Variants in PTPRT observed in about 807,000 individuals in gnomAD.
PTPRT encodes the protein protein tyrosine phosphatase receptor type T, also known as receptor-type tyrosine-protein phosphatase T.
In PTPRT, 56 loss-of-function variants were observed where a neutral mutation model predicts 176.8. The observed-to-expected ratio is 0.32, with a 90% CI of 0.26 to 0.40. The LOEUF is 0.40. Among genes scored for constraint, PTPRT ranks in the 10% least tolerant of loss-of-function variants. The pLI is 1.00. For missense variants in PTPRT, 1,540 were observed against 1,908.2 expected (o/e 0.81, Z 3.60); for synonymous variants, 783 against 739.0 (o/e 1.06, Z -0.96).
At chr20:42,988,811 G>A (rs1007227054) in intron 1 of PTPRT, among the ~76,000 whole-genome samples, 20 of 152,298 alleles carry the variant, frequency 1.3e-4, no homozygotes, top group African/African-American at 4.6e-4. Flanking sequence ...AGGAATGAGG[G>A]CAACCATTCG....
intron 9 of PTPRT, among the ~76,000 whole-genome samples, chr20:42,392,376 T>C (rs2058808124): frequency 6.6e-6 from 1 of 152,308 alleles, no homozygotes; most frequent in African/African-American, 2.4e-5. Flanking sequence ...AAATAGAGGC[T>C]GACATTTTCC....
chr20:42,984,035 C>G (rs923570896), intron 1 of PTPRT, among the ~76,000 whole-genome samples: 3 of 152,214 alleles, frequency 2.0e-5, no homozygotes, highest in Non-Finnish European at 4.4e-5. Flanking sequence ...ACCATGTTCG[C>G]TCACAATCAC....
intron 6 of PTPRT, among the ~76,000 whole-genome samples, chr20:42,694,621 A>C (rs1424235979): frequency 6.6e-6 from 1 of 152,208 alleles, no homozygotes; most frequent in African/African-American, 2.4e-5. Flanking sequence ...TGCTTTCCAC[A>C]GCGGCTACAT....
At chr20:42,695,089 T>A (rs970976754) in intron 6 of PTPRT, among the ~76,000 whole-genome samples, 1 of 152,196 alleles carries the variant, frequency 6.6e-6, no homozygotes, top group African/African-American at 2.4e-5. Context: ...TGTTTTGTCA[T>A]TGAGTTTTAA....
intron 7 of PTPRT, among the ~76,000 whole-genome samples, chr20:42,577,610 G>A (rs912532475): frequency 3.9e-5 from 6 of 152,192 alleles, no homozygotes; most frequent in African/African-American, 1.4e-4. Flanking sequence ...GGCAGTGATT[G>A]TGGTTAAACT....
At position 42,352,109 on chromosome 20, in the gene PTPRT, G is replaced by A. The variant is rs2145522610; in HGVS notation, c.1737C>T (p.Thr579=). 6.2e-7 allele frequency: 1 copy of A among 1,614,082 alleles called. No homozygotes were observed. The highest frequency in any genetic ancestry group is 8.5e-7 in the Non-Finnish European group (1 of 1,179,980). The change falls in exon 10 of 31, where the codon ACC becomes ACT. Residue 579 remains threonine (T), a synonymous_variant. Coordinates refer to ENST00000373187, the MANE Select transcript of PTPRT (RefSeq NM_007050.6). ...CTGAAATTTTGGTGGCAATCCGAGT[G>A]GTGACAGGGGGCCCAAAGCCCTTTG... The part of the protein sequence containing the change: ...STAKGFGPPV[T]TRIATKISAP...
At chr20:43,015,821 A>G (rs1196053018) in intron 1 of PTPRT, among the ~76,000 whole-genome samples, 3 of 152,176 alleles carry the variant, frequency 2.0e-5, no homozygotes, top group Non-Finnish European at 2.9e-5. Flanking sequence ...TTTGCAATTC[A>G]TATAAGTTAC....
chr20:43,083,369 T>TATATATATATAA (rs1568774368), intron 1 of PTPRT, among the ~76,000 whole-genome samples: 5 of 110,240 alleles, frequency 4.5e-5, no homozygotes, highest in African/African-American at 2.0e-4. Flanking sequence ...TATATATATA[T>TATATATATATAA]ACATTTTTTG....
In PTPRT at chr20:42,075,274, T is replaced by G. The variant is rs1433923509; in HGVS notation, c.*5605A>C. On this transcript the variant is annotated 3_prime_UTR_variant, in exon 31 of 31. Coordinates refer to ENST00000373187, the MANE Select transcript of PTPRT (RefSeq NM_007050.6). ...AGAAGGAGCTCAGACTGTTAAGTAA[T>G]GGGGAAGCCAAGTCAGGGATTTGAG... 8.5e-6 allele frequency: 2 copies of G among 235,114 alleles called. No homozygotes were observed. Among genetic ancestry groups the G allele is most frequent in the Non-Finnish European group, 1.7e-5 (2 of 119,548 alleles). 14.6% of individuals were successfully genotyped at this position (235,114 alleles called of 1,614,324 possible).
chr20:43,125,543 C>T (rs776636112), intron 1 of PTPRT, among the ~76,000 whole-genome samples: 36 of 152,198 alleles, frequency 2.4e-4, no homozygotes, highest in Admixed American at 5.9e-4. Context: ...AAGCATCCAA[C>T]TTGCTTAAAT....
At chr20:42,266,596 T>C (rs2056841847) in intron 13 of PTPRT, among the ~76,000 whole-genome samples, 1 of 152,150 alleles carries the variant, frequency 6.6e-6, no homozygotes, top group African/African-American at 2.4e-5. Context: ...ACCTTATTTT[T>C]CTCAATATAA....
intron 7 of PTPRT, among the ~76,000 whole-genome samples, chr20:42,604,011 A>G (rs2073829849): frequency 6.6e-6 from 1 of 152,198 alleles, no homozygotes; most frequent in South Asian, 2.1e-4. Context: ...AAATCCAATA[A>G]TAAAAGATTA....
chr20:42,833,429 A>C (rs907658856), intron 2 of PTPRT, among the ~76,000 whole-genome samples: 1 of 151,710 alleles, frequency 6.6e-6, no homozygotes, highest in Non-Finnish European at 1.5e-5. Flanking sequence ...ATAAATAAAT[A>C]AAATAAATAA....
chr20:42,611,513 A>G (rs1451561480), intron 7 of PTPRT, among the ~76,000 whole-genome samples: 1 of 152,206 alleles, frequency 6.6e-6, no homozygotes, highest in Non-Finnish European at 1.5e-5. Context: ...AGAGGCATAA[A>G]GATGTGTTGT....
chr20:42,739,150 C>T (rs1285942496), intron 6 of PTPRT, among the ~76,000 whole-genome samples: 1 of 152,194 alleles, frequency 6.6e-6, no homozygotes, highest in Non-Finnish European at 1.5e-5. Flanking sequence ...AATGTTAATG[C>T]CACACATTTG....
At chr20:42,910,725 A>C (rs975781928) in intron 1 of PTPRT, among the ~76,000 whole-genome samples, 11 of 152,224 alleles carry the variant, frequency 7.2e-5, no homozygotes, top group African/African-American at 2.7e-4. Context: ...ATCAAGGTTG[A>C]GGTGATTACG....
chr20:42,206,688 T>C (rs536449685), intron 15 of PTPRT, among the ~76,000 whole-genome samples: 3 of 151,966 alleles, frequency 2.0e-5, no homozygotes, highest in African/African-American at 7.2e-5. Flanking sequence ...AACTGCAAGG[T>C]GGCAGCGAGG....
intron 7 of PTPRT, among the ~76,000 whole-genome samples, chr20:42,562,372 C>T (rs138178895): frequency 4.6e-5 from 7 of 152,292 alleles, no homozygotes; most frequent in African/African-American, 1.7e-4. Context: ...CTGTTTGCGT[C>T]CAGCTTTGTT....
At chr20:42,835,729 T>C (rs1009266211) in intron 2 of PTPRT, among the ~76,000 whole-genome samples, 4 of 152,312 alleles carry the variant, frequency 2.6e-5, no homozygotes, top group African/African-American at 9.6e-5. Context: ...ATAGATAATT[T>C]TCATTTTATT....
Sources: allele counts gnomAD v4.1 joint callset (sites outside exome capture counted in the v4.1 genomes callset), GRCh38; gene constraint gnomAD v4.1.1; transcripts MANE v1.5; gene names NCBI Gene and HGNC (gene_info 2026-07-23, HGNC 2026-07-21).